CFAP299: variants seen among roughly 807,000 people sequenced by gnomAD.
The protein encoded by CFAP299 is cilia and flagella associated protein 299.
CFAP299 carries 21 observed loss-of-function variants against 27.0 expected under a neutral mutation model. The ratio of observed to expected loss-of-function variants is 0.78; its 90% CI spans 0.55 to 1.12. The LOEUF (loss-of-function observed/expected upper bound fraction) is 1.12. Ranked by LOEUF, CFAP299 falls within the 50% of genes most tolerant of loss-of-function variation. The pLI, the probability that CFAP299 is intolerant of heterozygous loss-of-function variation, is 0.00. For missense variants in CFAP299, 310 were observed against 276.6 expected, an observed-to-expected ratio of 1.12 and a Z score of -0.86; for synonymous variants, 104 against 98.1, an observed-to-expected ratio of 1.06 and a Z score of -0.36.
chr4:80,873,450 T>G (rs1045772160), intron 4 of CFAP299, among the ~76,000 whole-genome samples: 27 of 152,180 alleles, frequency 1.8e-4, no homozygotes, highest in African/African-American at 6.5e-4. Flanking sequence ...AACTATGTCT[T>G]TAAGATTCAG....
the CFAP299 span, among the ~76,000 whole-genome samples, chr4:80,324,531 T>C: frequency 6.6e-6 from 1 of 152,210 alleles, no homozygotes; most frequent in Admixed American, 6.6e-5. Context: ...TTGATAGGCA[T>C]GCGTCTAGAG....
At chr4:80,664,100 G>A (rs1369048107) in intron 3 of CFAP299, among the ~76,000 whole-genome samples, 1 of 152,146 alleles carries the variant, frequency 6.6e-6, no homozygotes, top group Non-Finnish European at 1.5e-5. Flanking sequence ...TCATGCTGAT[G>A]ACAGTTTCTT....
At chr4:80,724,935 T>G (rs1723066617) in intron 3 of CFAP299, among the ~76,000 whole-genome samples, 1 of 141,546 alleles carries the variant, frequency 7.1e-6, no homozygotes, top group African/African-American at 2.8e-5. Context: ...TCTTTCTTTC[T>G]CCTTCCTTCC....
At chr4:80,489,977 G>A (rs1054792206) in intron 2 of CFAP299, among the ~76,000 whole-genome samples, 2 of 152,016 alleles carry the variant, frequency 1.3e-5, no homozygotes, top group Non-Finnish European at 2.9e-5. Context: ...TATAACTCCC[G>A]TGTCAAATTA....
chr4:80,921,594 G>T lies in CFAP299; in HGVS notation c.477-23216G>T, dbSNP rs562877184. On this transcript the variant is annotated intron_variant, in intron 4 of 5. Coordinates refer to ENST00000358105, the MANE Select transcript of CFAP299 (RefSeq NM_152770.3). Reference sequence around the variant, plus strand: ...TGAGTAGGAGCAGTAAGACATGAAGGGCCATGTAAAAGCAGTAGGACAAGA... The same window carrying T: ...TGAGTAGGAGCAGTAAGACATGAAGTGCCATGTAAAAGCAGTAGGACAAGA... Among the ~76,000 whole-genome samples, 20 of 152,076 alleles carry T rather than the reference G, an allele frequency of 1.3e-4. 1 individual carries two copies. In the South Asian group the frequency reaches 1.5e-3, roughly 11 times the overall value.
intron 2 of CFAP299, among the ~76,000 whole-genome samples, chr4:80,576,009 G>A (rs1007075975): frequency 2.6e-5 from 4 of 151,810 alleles, no homozygotes; most frequent in Non-Finnish European, 4.4e-5. Flanking sequence ...CACAGGAAGG[G>A]GAACATCACA....
chr4:80,661,278 A>G (rs529404248), intron 3 of CFAP299, among the ~76,000 whole-genome samples: 6 of 146,394 alleles, frequency 4.1e-5, no homozygotes, highest in African/African-American at 1.5e-4. Context: ...GTGAGCCCAG[A>G]TTGCTCCATT....
chr4:80,640,440 A>G (rs1363871444), intron 3 of CFAP299, among the ~76,000 whole-genome samples: 1 of 152,164 alleles, frequency 6.6e-6, no homozygotes, highest in Non-Finnish European at 1.5e-5. Context: ...TATATCCCTC[A>G]GGCAAAGTAA....
chr4:80,753,815 T>C (rs1374056981), intron 3 of CFAP299, among the ~76,000 whole-genome samples: 1 of 152,178 alleles, frequency 6.6e-6, no homozygotes, highest in East Asian at 1.9e-4. Flanking sequence ...TCCATGTTTG[T>C]TTGTTCGTTT....
At chr4:80,386,088 C>T (rs557678691) in intron 2 of CFAP299, 238 of 450,856 alleles carry the variant, frequency 5.3e-4, no homozygotes, top group Non-Finnish European at 8.4e-4. Context: ...TGGCTCGCTT[C>T]CACTGGGAAG....
chr4:80,383,857 G>T (rs948259225), intron 2 of CFAP299, among the ~76,000 whole-genome samples: 3 of 145,798 alleles, frequency 2.1e-5, no homozygotes, highest in South Asian at 2.2e-4. Context: ...GTTTTTTTTT[G>T]TTGTTGTTAT....
At chr4:80,327,692 A>T in the CFAP299 span, among the ~76,000 whole-genome samples, 626 of 88,344 alleles carry the variant, frequency 7.1e-3, 18 homozygotes, top group African/African-American at 0.035. Context: ...GAGAGAAGTT[A>T]TATATATATA....
At chr4:80,378,949 C>A (rs986514935) in intron 2 of CFAP299, among the ~76,000 whole-genome samples, 1 of 151,696 alleles carries the variant, frequency 6.6e-6, no homozygotes. Flanking sequence ...CAGTGTAATT[C>A]TGGCTTCAGA....
intron 2 of CFAP299, among the ~76,000 whole-genome samples, chr4:80,472,375 CT>C (rs1219449552): frequency 6.6e-6 from 1 of 152,084 alleles, no homozygotes; most frequent in Non-Finnish European, 1.5e-5. Context: ...GGGATGCTAC[CT>C]TTTTAATAAA....
chr4:80,761,394 A>C lies in CFAP299; in HGVS notation c.334-108599A>C, dbSNP rs147836605. ...TACTTATAAACTAAGAGACAGTGGA[A>C]TTTTGCTTCAAATTACAATGCCAAA... is the stretch of plus-strand genomic sequence containing the variant. On this transcript the variant is annotated intron_variant, in intron 3 of 5. Coordinates refer to ENST00000358105, the MANE Select transcript of CFAP299 (RefSeq NM_152770.3). Among the ~76,000 whole-genome samples, 443 of 152,200 alleles carry C rather than the reference A, an allele frequency of 2.9e-3. 23 individuals carry two copies. In the South Asian group the frequency reaches 0.082, roughly 28 times the overall value.
chr4:80,631,859 G>GTCC (rs34615962), intron 3 of CFAP299, among the ~76,000 whole-genome samples: 1 of 21,470 alleles, frequency 4.7e-5, no homozygotes, highest in Non-Finnish European at 9.2e-5. Flanking sequence ...GAATATTTGT[G>GTCC]CCCCACCCCC....
intron 3 of CFAP299, among the ~76,000 whole-genome samples, chr4:80,846,297 G>A (rs1007452400): frequency 6.6e-6 from 1 of 152,134 alleles, no homozygotes; most frequent in African/African-American, 2.4e-5. Context: ...GTAAAGGAGA[G>A]GAAGCTCATT....
intron 3 of CFAP299, among the ~76,000 whole-genome samples, chr4:80,799,380 G>GTATTTATATAATATTTATATATATAAATA (rs1728117985): frequency 1.2e-5 from 1 of 84,222 alleles, no homozygotes; most frequent in Admixed American, 2.1e-4. Flanking sequence ...ATATATAAAT[G>GTATTTATATAATATTTATATATATAAATA]TATTTATATA....
At chr4:80,652,768 G>A (rs1156464738) in intron 3 of CFAP299, among the ~76,000 whole-genome samples, 1 of 151,812 alleles carries the variant, frequency 6.6e-6, no homozygotes, top group Non-Finnish European at 1.5e-5. Context: ...CTGGTGCTTA[G>A]CCCTCCTTGT....
Sources: allele counts gnomAD v4.1 joint callset (sites outside exome capture counted in the v4.1 genomes callset), GRCh38; gene constraint gnomAD v4.1.1; transcripts MANE v1.5; gene names NCBI Gene and HGNC (gene_info 2026-07-23, HGNC 2026-07-21).